The following PTPRB variants were observed in gnomAD, a reference collection of about 807,000 sequenced individuals.
PTPRB encodes the protein receptor-type tyrosine-protein phosphatase beta.
In PTPRB, 97 loss-of-function variants were observed where a neutral mutation model predicts 238.1. That is an observed-to-expected ratio of 0.41 (90% CI 0.35 to 0.48). The LOEUF (loss-of-function observed/expected upper bound fraction) is 0.48, where lower values mean the gene tolerates loss of function less well. PTPRB is among the 20% of genes least tolerant of loss of function. The pLI is 0.30. For missense variants in PTPRB, 2,292 were observed against 2,681.9 expected (o/e 0.85, Z 3.21); for synonymous variants, 970 against 995.4 (o/e 0.97, Z 0.48).
rs1878422425 is a variant in PTPRB, at chr12:70,561,062, A to C, written c.4169-128T>G. ...CATATTGTAGTCAGATCTTGCCTAC[A>C]TTTCAGGCCATTTAACTTTAAGGGC... On this transcript the variant is annotated intron_variant, in intron 16 of 33. Coordinates refer to ENST00000334414, the MANE Select transcript of PTPRB (RefSeq NM_001109754.4). 3 of 948,202 alleles carry C rather than the reference A, an allele frequency of 3.2e-6. No individual in the cohort carries two copies. The African/African-American group carries it at 4.9e-5, about 16-fold the overall frequency. 58.7% of individuals were successfully genotyped at this position (948,202 alleles called of 1,614,324 possible).
In PTPRB at chr12:70,536,183, G is replaced by A. The variant is rs750272288; in HGVS notation, c.5947-24C>T. ...CCCTGCAATGAATTTACAATATGGA[G>A]AGTCAGAAACAATGGGCCTCTTCAG... is the stretch of plus-strand genomic sequence containing the variant. On this transcript the variant is annotated intron_variant, in intron 28 of 33. Transcript: ENST00000334414. 7 of 1,606,710 alleles carry A rather than the reference G, an allele frequency of 4.4e-6. No individual in the cohort carries two copies. The Admixed American group carries it at 8.5e-5, about 20-fold the overall frequency.
intron 10 of PTPRB, among the ~76,000 whole-genome samples, chr12:70,580,806 G>A (rs1320684361): frequency 7.0e-6 from 1 of 143,028 alleles, no homozygotes; most frequent in Non-Finnish European, 1.5e-5. Flanking sequence ...CAACCAGAGC[G>A]AAATTCCGTC....
At chr12:70,547,549 G>C (rs1053855062) in intron 21 of PTPRB, among the ~76,000 whole-genome samples, 12 of 141,906 alleles carry the variant, frequency 8.5e-5, no homozygotes, top group African/African-American at 2.5e-4. Context: ...TTTTGAGACA[G>C]GGTCTTGCTC....
At chr12:70,553,611 C>G (rs1356630408) in intron 20 of PTPRB, among the ~76,000 whole-genome samples, 1 of 152,208 alleles carries the variant, frequency 6.6e-6, no homozygotes, top group Non-Finnish European at 1.5e-5. Context: ...GTCCACCCAG[C>G]CTGCTGTGTG....
intron 20 of PTPRB, 70 bp from the exon 21 acceptor site, chr12:70,553,090 A>G: frequency 6.6e-7 from 1 of 1,510,176 alleles, no homozygotes. Flanking sequence ...ATTTTAAATT[A>G]GGTTTCTAAG....
At chr12:70,582,822 G>T (rs538641782) in intron 9 of PTPRB, among the ~76,000 whole-genome samples, 1 of 152,112 alleles carries the variant, frequency 6.6e-6, no homozygotes, top group African/African-American at 2.4e-5. Flanking sequence ...ATGAAAAACC[G>T]ACAGAAAACA....
intron 7 of PTPRB, among the ~76,000 whole-genome samples, chr12:70,590,473 G>C (rs1273066189): frequency 1.3e-5 from 2 of 151,588 alleles, no homozygotes; most frequent in Non-Finnish European, 2.9e-5. Context: ...CTGTTGTAGT[G>C]TTAATAATCT....
chr12:70,583,304 A>G (rs893022493), intron 9 of PTPRB, among the ~76,000 whole-genome samples: 11 of 152,128 alleles, frequency 7.2e-5, no homozygotes, highest in Non-Finnish European at 1.3e-4. Flanking sequence ...TCTAATAAAC[A>G]CAACTATACA....
rs1882597025 is a variant in PTPRB, at chr12:70,592,551, C to G, written c.1517-6G>C. The G allele has an allele frequency of 6.2e-7, 1 of 1,610,848 alleles. No homozygotes were observed. The highest frequency in any genetic ancestry group is 8.5e-7 in the Non-Finnish European group (1 of 1,178,528). On this transcript the variant is annotated splice_polypyrimidine_tract_variant and splice_region_variant and intron_variant, in intron 6 of 33. Coordinates refer to ENST00000334414, the MANE Select transcript of PTPRB (RefSeq NM_001109754.4). ...ATTTGAGACTTCCATGGGGGCTAAT[C>G]AGGAAAGAACAGAAAGGAGACTTTT...
intron 10 of PTPRB, among the ~76,000 whole-genome samples, chr12:70,578,448 C>A (rs566041176): frequency 2.0e-5 from 3 of 151,934 alleles, no homozygotes; most frequent in East Asian, 1.9e-4. Context: ...TCCCCTTTAT[C>A]GTGATAATGT....
chr12:70,559,764 G>T, intron 17 of PTPRB, 140 bp from the exon 18 acceptor site: 1 of 814,562 alleles, frequency 1.2e-6, no homozygotes. Flanking sequence ...AGTAGCAGGA[G>T]CTTTCATTAA....
In PTPRB at chr12:70,559,625, C is replaced by A. The variant is rs779484237; in HGVS notation, c.4433-1G>T. ...GACATAAGACTGGGAGGACTTGGAG[C>A]TGAATGTAGGAGAAAGTGAAAAATC... On this transcript the variant is annotated splice_acceptor_variant, in intron 17 of 33. Transcript: ENST00000334414. LOFTEE classifies it high-confidence loss of function. The A allele has an allele frequency of 1.2e-6, 2 of 1,603,824 alleles. No individual in the cohort carries two copies. Among genetic ancestry groups the A allele is most frequent in the Non-Finnish European group, 1.7e-6 (2 of 1,170,878 alleles).
At chr12:70,555,051 T>C (rs1374907836) in intron 20 of PTPRB, 109 bp downstream of exon 20, 20 of 1,323,226 alleles carry the variant, frequency 1.5e-5, no homozygotes, top group South Asian at 4.3e-5. Context: ...GATACAAAAA[T>C]TACATTTTCT....
chr12:70,545,061 A>T (rs1875759629), intron 21 of PTPRB, among the ~76,000 whole-genome samples: 1 of 152,262 alleles, frequency 6.6e-6, no homozygotes, highest in Admixed American at 6.5e-5. Context: ...GGACTGCTTC[A>T]TTCAGAATGG....
Position 70,520,128 on chromosome 12 carries a change from C to A in PTPRB, c.*1361G>T. On this transcript the variant is annotated 3_prime_UTR_variant, in exon 34 of 34. Coordinates refer to ENST00000334414, the MANE Select transcript of PTPRB (RefSeq NM_001109754.4). The stretch of plus-strand genomic sequence containing the variant: ...AGAAAAATTTGTAGTGTGAAAAAGG[C>A]AAACATCTCCAGCTCATCTTCTCAG... 1 of 417,846 alleles carries A rather than the reference C, an allele frequency of 2.4e-6. No individual in the cohort carries two copies. The highest frequency in any genetic ancestry group is 4.7e-6 in the Non-Finnish European group (1 of 211,816). 25.9% of individuals were successfully genotyped at this position (417,846 alleles called of 1,614,324 possible).
rs148462863 is a variant in PTPRB, at chr12:70,526,207, T to A, written c.6505-1616A>T. 4.2e-3 allele frequency among the ~76,000 whole-genome samples: 637 copies of A among 152,252 alleles called. 2 individuals are homozygous for A. Among genetic ancestry groups the A allele is most frequent in the African/African-American group, 0.014 (579 of 41,544 alleles). On this transcript the variant is annotated intron_variant, in intron 32 of 33. Coordinates refer to ENST00000334414, the MANE Select transcript of PTPRB (RefSeq NM_001109754.4). ...ATAAGAACATTTAATTTAATTAATT[T>A]ATTTATTTTTTAAGAAACAGGGTCT...
chr12:70,534,068 C>T (rs986194951), intron 31 of PTPRB, among the ~76,000 whole-genome samples: 1 of 152,142 alleles, frequency 6.6e-6, no homozygotes, highest in Admixed American at 6.5e-5. Flanking sequence ...TAAAGCCATT[C>T]CAAAATGGAA....
intron 2 of PTPRB, among the ~76,000 whole-genome samples, chr12:70,627,206 G>A (rs1399764562): frequency 6.6e-6 from 1 of 152,150 alleles, no homozygotes; most frequent in Non-Finnish European, 1.5e-5. Context: ...TGGAAGGAAG[G>A]CATGCTGGGT....
Position 70,563,127 on chromosome 12 carries a change from A to C in PTPRB, c.3905-20T>G. The C allele has an allele frequency of 6.2e-7, 1 of 1,600,096 alleles. No individual in the cohort carries two copies. Among genetic ancestry groups the C allele is most frequent in the Non-Finnish European group, 8.5e-7 (1 of 1,171,116 alleles). The stretch of plus-strand genomic sequence containing the variant: ...CTGGGACTGGAAAAGTCGAGGAGCA[A>C]GAGAATGAGGGAGGGAAATGCAGTG... On this transcript the variant is annotated intron_variant, in intron 15 of 33. Coordinates refer to ENST00000334414, the MANE Select transcript of PTPRB (RefSeq NM_001109754.4).
Sources: allele counts gnomAD v4.1 joint callset (sites outside exome capture counted in the v4.1 genomes callset), GRCh38; gene constraint gnomAD v4.1.1; transcripts MANE v1.5; gene names NCBI Gene and HGNC (gene_info 2026-07-23, HGNC 2026-07-21).